CNTNAP4: variants seen among roughly 807,000 people sequenced by gnomAD.
CNTNAP4 encodes contactin-associated protein-like 4.
A neutral mutation model predicts 148.4 loss-of-function variants in CNTNAP4; 98 were observed. That is an observed-to-expected ratio of 0.66 (90% CI 0.56 to 0.78). CNTNAP4 has a LOEUF of 0.78. CNTNAP4 is among the 30% of genes least tolerant of loss of function. CNTNAP4 has a pLI of 0.00. For missense variants in CNTNAP4, 1,935 were observed against 1,565.6 expected (o/e 1.24, Z -3.98); for synonymous variants, 730 against 565.1 (o/e 1.29, Z -4.14).
intron 1 of CNTNAP4, among the ~76,000 whole-genome samples, chr16:76,284,008 G>A (rs996816003): frequency 6.6e-6 from 1 of 151,936 alleles, no homozygotes; most frequent in Non-Finnish European, 1.5e-5. Context: ...AAATCATGCA[G>A]ACTTTGACCT....
In CNTNAP4 at chr16:76,552,355, A is replaced by AT. The variant is rs199607648; in HGVS notation, c.3443-919dup. Among the ~76,000 whole-genome samples, 128 of 151,306 alleles carry AT rather than the reference A, an allele frequency of 8.5e-4. No individual in the cohort carries two copies. In the Middle Eastern group the frequency reaches 0.01, roughly 12 times the overall value. On this transcript the variant is annotated intron_variant, in intron 21 of 23. Coordinates refer to ENST00000611870, the MANE Select transcript of CNTNAP4 (RefSeq NM_033401.5). ...GCCAAACCATATCAATAGTTGTGCTATTTTTTTTTATCACACTGGGTGGAT... is the reference window on the plus strand; with the variant it reads ...GCCAAACCATATCAATAGTTGTGCTATTTTTTTTTTATCACACTGGGTGGAT...
At chr16:76,390,932 T>C (rs981101748) in intron 3 of CNTNAP4, among the ~76,000 whole-genome samples, 4 of 152,162 alleles carry the variant, frequency 2.6e-5, no homozygotes, top group Non-Finnish European at 5.9e-5. Context: ...TGTTTTGATA[T>C]GGGCATGCAA....
intron 13 of CNTNAP4, among the ~76,000 whole-genome samples, chr16:76,492,874 T>G (rs753765759): frequency 1.5e-4 from 23 of 151,992 alleles, no homozygotes; most frequent in Admixed American, 4.6e-4. Flanking sequence ...GTTAGCAGCA[T>G]GAAGGCAGAC....
intron 23 of CNTNAP4, among the ~76,000 whole-genome samples, chr16:76,554,342 T>C (rs1235151982): frequency 1.3e-5 from 2 of 152,224 alleles, no homozygotes. Flanking sequence ...ATATATTTTG[T>C]ATTGCCTCAA....
intron 10 of CNTNAP4, among the ~76,000 whole-genome samples, chr16:76,472,246 G>GT (rs55889484): frequency 0.4 from 61,345 of 151,592 alleles, 13,384 homozygotes; most frequent in South Asian, 0.57. Context: ...ATTGCCATAG[G>GT]TTACTAGTAG....
chr16:76,496,107 G>GTGTGTGTGTA lies in CNTNAP4; in HGVS notation c.2237+1041_2237+1042insTGTGTGTGTA, dbSNP rs1555576715. Among the ~76,000 whole-genome samples, 486 of 151,196 alleles carry GTGTGTGTGTA rather than the reference G, an allele frequency of 3.2e-3. 4 individuals carry two copies. The highest frequency in any genetic ancestry group is 2.9e-3 in the Non-Finnish European group (196 of 67,722). On this transcript the variant is annotated intron_variant, in intron 14 of 23. Transcript: ENST00000611870. Reference sequence around the variant, plus strand: ...ATGTTGTGTGTGTGTGTGTGTGTGTGCGTGTATTTCTTTTAGAATTGCACT... The same window carrying GTGTGTGTGTA: ...ATGTTGTGTGTGTGTGTGTGTGTGTGTGTGTGTGTACGTGTATTTCTTTTAGAATTGCACT...
chr16:76,306,074 G>T (rs963737143), intron 1 of CNTNAP4, among the ~76,000 whole-genome samples: 5 of 152,096 alleles, frequency 3.3e-5, no homozygotes, highest in African/African-American at 1.2e-4. Context: ...TGGGCACCTC[G>T]ATTGATTCCA....
At chr16:76,406,550 C>T (rs1014121207) in intron 3 of CNTNAP4, among the ~76,000 whole-genome samples, 1 of 151,728 alleles carries the variant, frequency 6.6e-6, no homozygotes, top group Non-Finnish European at 1.5e-5. Context: ...AGGCTTCTTG[C>T]AGCAAACATT....
At chr16:76,475,624 A>G (rs948523706) in intron 10 of CNTNAP4, among the ~76,000 whole-genome samples, 1 of 152,150 alleles carries the variant, frequency 6.6e-6, no homozygotes, top group African/African-American at 2.4e-5. Context: ...ATAAAATGTT[A>G]TTTCATGTAT....
chr16:76,544,601 C>G (rs956109224), intron 21 of CNTNAP4, among the ~76,000 whole-genome samples: 2 of 152,120 alleles, frequency 1.3e-5, no homozygotes, highest in East Asian at 3.8e-4. Flanking sequence ...CAGCTGAGTT[C>G]AGATCCTCTC....
intron 3 of CNTNAP4, among the ~76,000 whole-genome samples, chr16:76,402,326 G>T (rs1398304246): frequency 6.6e-6 from 1 of 151,618 alleles, no homozygotes; most frequent in Admixed American, 6.6e-5. Context: ...ATGTAGAGGT[G>T]TTCAGAGTAG....
At chr16:76,460,487 C>T (rs1398442598) in intron 8 of CNTNAP4, among the ~76,000 whole-genome samples, 11 of 148,642 alleles carry the variant, frequency 7.4e-5, no homozygotes, top group African/African-American at 1.2e-4. Flanking sequence ...TAGGGCCAGG[C>T]GCGGTGGCTC....
In CNTNAP4 at chr16:76,529,546, T is replaced by C. The variant is rs143053654; in HGVS notation, c.2756-5999T>C. On this transcript the variant is annotated intron_variant, in intron 17 of 23. Transcript: ENST00000611870. ...GCATTTTCGTAGAAGCTTCTTAAAT[T>C]AGCCTTGAATTGATTTTTATTCAAC... 4.4e-3 allele frequency among the ~76,000 whole-genome samples: 674 copies of C among 152,314 alleles called. 4 individuals carry two copies. Among genetic ancestry groups the C allele is most frequent in the African/African-American group, 0.013 (549 of 41,578 alleles).
intron 2 of CNTNAP4, among the ~76,000 whole-genome samples, chr16:76,329,355 T>C (rs1416630133): frequency 2.6e-5 from 4 of 152,370 alleles, no homozygotes; most frequent in South Asian, 2.1e-4. Context: ...CTGAGTATGA[T>C]GACATTGGAA....
intron 3 of CNTNAP4, among the ~76,000 whole-genome samples, chr16:76,377,950 T>C (rs1048686252): frequency 1.3e-5 from 2 of 152,200 alleles, no homozygotes; most frequent in Non-Finnish European, 1.5e-5. Context: ...TTGTCCCACA[T>C]TTCATTTTTC....
chr16:76,449,191 T>C (rs188240699), intron 6 of CNTNAP4, among the ~76,000 whole-genome samples: 295 of 152,298 alleles, frequency 1.9e-3, no homozygotes, highest in Non-Finnish European at 2.5e-3. Context: ...ACCTAAAATA[T>C]GTAGTCACAG....
At chr16:76,348,925 C>A (rs560872886) in intron 2 of CNTNAP4, among the ~76,000 whole-genome samples, 34 of 151,384 alleles carry the variant, frequency 2.2e-4, no homozygotes, top group African/African-American at 8.3e-4. Flanking sequence ...TAAGAGCATG[C>A]TGATGTAACA....
intron 8 of CNTNAP4, among the ~76,000 whole-genome samples, chr16:76,460,773 A>AAAAAAAAAAAAAAAATATATATATATAT: frequency 1.7e-4 from 10 of 57,306 alleles, no homozygotes; most frequent in South Asian, 6.2e-4. Context: ...AAAAAAAAAA[A>AAAAAAAAAAAAAAAATATATATATATAT]ATATATATAT....
At chr16:76,380,771 G>A (rs2015888879) in intron 3 of CNTNAP4, among the ~76,000 whole-genome samples, 1 of 152,122 alleles carries the variant, frequency 6.6e-6, no homozygotes. Flanking sequence ...ATATTTAAAG[G>A]TTGTGATTAT....
Sources: gnomAD v4.1 joint callset for allele counts (sites outside exome capture counted in the v4.1 genomes callset) on GRCh38, gnomAD v4.1.1 for gene constraint, MANE v1.5 for transcripts, NCBI Gene and HGNC (gene_info 2026-07-23, HGNC 2026-07-21) for gene names.